THAP2: variants seen among roughly 807,000 people sequenced by gnomAD.
THAP2 encodes the protein THAP domain containing 2.
THAP2 carries 16 observed loss-of-function variants against 18.8 expected under a neutral mutation model. That is an observed-to-expected ratio of 0.85 (90% CI 0.58 to 1.29). The LOEUF (loss-of-function observed/expected upper bound fraction) is 1.29. THAP2 is among the 50% of genes most tolerant of loss of function. The pLI is 0.00. For synonymous variants in THAP2, 80 were observed against 89.2 expected, an observed-to-expected ratio of 0.90 and a Z score of 0.58; for missense variants, 251 against 265.3, an observed-to-expected ratio of 0.95 and a Z score of 0.38.
intron 2 of THAP2, among the ~76,000 whole-genome samples, chr12:71,676,058 TA>T (rs1477349570): frequency 6.6e-6 from 1 of 151,978 alleles, no homozygotes; most frequent in African/African-American, 2.4e-5. Flanking sequence ...TAGGAATATT[TA>T]GTGGGTAGAA....
intron 2 of THAP2, among the ~76,000 whole-genome samples, chr12:71,674,684 C>G (rs943051162): frequency 1.3e-5 from 2 of 151,938 alleles, no homozygotes; most frequent in Non-Finnish European, 2.9e-5. Flanking sequence ...AGTAATGAAA[C>G]CTCCAGCATC....
intron 1 of THAP2, among the ~76,000 whole-genome samples, chr12:71,671,657 A>G (rs1467702057): frequency 6.6e-6 from 1 of 152,166 alleles, no homozygotes; most frequent in Admixed American, 6.5e-5. Flanking sequence ...AACAATTTTC[A>G]ATGGTGCAGT....
chr12:71,665,362 T>G (rs1430333339), intron 1 of THAP2: 1 of 164,142 alleles, frequency 6.1e-6, no homozygotes, highest in African/African-American at 2.4e-5. Flanking sequence ...TATGTTAGTA[T>G]GTAGAAATTA....
At chr12:71,667,932 A>G (rs1345227504) in intron 1 of THAP2, 5 of 152,178 alleles carry the variant, frequency 3.3e-5, no homozygotes, top group African/African-American at 1.2e-4. Context: ...ATCACTAGGA[A>G]ATTTGGGGGT....
chr12:71,664,778 A>G (rs912016253), intron 1 of THAP2, 198 bp downstream of exon 1: 5 of 727,158 alleles, frequency 6.9e-6, no homozygotes, highest in Non-Finnish European at 1.2e-5. Context: ...ATTTTCTAAA[A>G]GAAATCCAAG....
chr12:71,664,439 C>T lies in THAP2; in HGVS notation c.-71C>T, dbSNP rs1881286761. 3 of 1,593,176 alleles carry T rather than the reference C, an allele frequency of 1.9e-6. No homozygotes were observed. In the African/African-American group the frequency reaches 4.0e-5, roughly 21 times the overall value. On this transcript the variant is annotated 5_prime_UTR_variant, in exon 1 of 3. Coordinates refer to ENST00000308086, the MANE Select transcript of THAP2 (RefSeq NM_031435.4). ...CACGCCTGCCTCGATTGTCCAGCCT[C>T]TGCCAGAAGAAAGCTTAGCAGCCAG...
rs114332591 is a variant in THAP2 at position 71,677,380 on chromosome 12, A to T, written c.*272A>T. On this transcript the variant is annotated 3_prime_UTR_variant, in exon 3 of 3. Transcript: ENST00000308086. ...GTGTTTTTTGTTTTTGTCTTTTTAAACTACTGTTAAAAGAACAGCTTATGA... is the reference window on the plus strand; with the variant it reads ...GTGTTTTTTGTTTTTGTCTTTTTAATCTACTGTTAAAAGAACAGCTTATGA... 1,859 of 232,566 alleles carry T rather than the reference A, an allele frequency of 8.0e-3. 34 individuals are homozygous for T. The highest frequency in any genetic ancestry group is 0.04 in the African/African-American group (1,754 of 43,950). The allele number at this position is 232,566 out of a possible 1,614,324, so 14.4% of individuals were successfully genotyped here. A position where few individuals can be genotyped will look rare whatever the true frequency, so the allele number is the denominator to read the frequency against.
At chr12:71,671,467 A>G (rs1185360996) in intron 1 of THAP2, among the ~76,000 whole-genome samples, 1 of 152,180 alleles carries the variant, frequency 6.6e-6, no homozygotes, top group Non-Finnish European at 1.5e-5. Flanking sequence ...GAATTTCTTT[A>G]AGATCCATAT....
chr12:71,664,814 A>G (rs113763443), intron 1 of THAP2: 2 of 695,462 alleles, frequency 2.9e-6, no homozygotes, highest in Non-Finnish European at 5.2e-6. Flanking sequence ...ACCCCTTAGT[A>G]AAAAAAAGTA....
intron 1 of THAP2, among the ~76,000 whole-genome samples, chr12:71,672,260 C>G (rs546114765): frequency 9.2e-5 from 14 of 152,296 alleles, no homozygotes; most frequent in African/African-American, 3.4e-4. Flanking sequence ...CATCTGGGAA[C>G]ATCTGCAGCC....
Position 71,677,294 on chromosome 12 carries a change from A to C in THAP2, c.*186A>C, listed in dbSNP as rs967679357. ...GGAAATTTTATTTGAAAATGAGTGG[A>C]AGTGCCTTACATTAGAATTACGGAC... is the stretch of plus-strand genomic sequence containing the variant. On this transcript the variant is annotated 3_prime_UTR_variant, in exon 3 of 3. Coordinates refer to ENST00000308086, the MANE Select transcript of THAP2 (RefSeq NM_031435.4). The C allele has an allele frequency of 2.0e-6, 1 of 510,116 alleles. No individual in the cohort carries two copies. Among genetic ancestry groups the C allele is most frequent in the Non-Finnish European group, 3.1e-6 (1 of 322,718 alleles). The allele number at this position is 510,116 out of a possible 1,614,324, so 31.6% of individuals were successfully genotyped here.
intron 1 of THAP2, among the ~76,000 whole-genome samples, chr12:71,670,857 T>A (rs1881424918): frequency 6.9e-6 from 1 of 145,600 alleles, no homozygotes; most frequent in Non-Finnish European, 1.5e-5. Flanking sequence ...GAGAATCACT[T>A]AAACCTGGGA....
Position 71,674,287 on chromosome 12 carries a change from T to C in THAP2, c.156T>C (p.Leu52=). 6.2e-7 allele frequency: 1 copy of C among 1,613,426 alleles called. No homozygotes were observed. The highest frequency in any genetic ancestry group is 8.5e-7 in the Non-Finnish European group (1 of 1,179,558). The change falls in exon 2 of 3, where the codon CTT becomes CTC. Residue 52 remains leucine (L), a synonymous_variant. Coordinates refer to ENST00000308086, the MANE Select transcript of THAP2 (RefSeq NM_031435.4). ...TTGTGCCAGGAAAACACACTTTTCT[T>C]TGTTCAAAGCACTTTGAAGCCTCCT... ...KNFVPGKHTF[L]CSKHFEASCF...
Position 71,668,113 on chromosome 12 carries a change from G to C in THAP2, c.71+3533G>C, listed in dbSNP as rs371808799. Among the ~76,000 whole-genome samples, 24 of 152,256 alleles carry C rather than the reference G, an allele frequency of 1.6e-4. 1 individual carries two copies. In the South Asian group the frequency reaches 4.4e-3, roughly 28 times the overall value. Reference sequence around the variant, plus strand: ...TTGCCATTTTGGATAAGGTGGATAAGGTTCAAAATTACTCTTTGACTTAGA... The same window carrying C: ...TTGCCATTTTGGATAAGGTGGATAACGTTCAAAATTACTCTTTGACTTAGA... On this transcript the variant is annotated intron_variant, in intron 1 of 2. Transcript: ENST00000308086.
chr12:71,674,177 T>C, intron 1 of THAP2, 26 bp from the exon 2 acceptor site: 1 of 1,529,982 alleles, frequency 6.5e-7, no homozygotes, highest in Non-Finnish European at 8.7e-7. Flanking sequence ...TAGTTGGAAT[T>C]TGAGTTGCAT....
chr12:71,677,272 A>T lies in THAP2; in HGVS notation c.*164A>T. On this transcript the variant is annotated 3_prime_UTR_variant, in exon 3 of 3. Transcript: ENST00000308086. ...AAAAGAATAAAAAACTTCATATGGAAATTTTATTTGAAAATGAGTGGAAGT... is the reference window on the plus strand; with the variant it reads ...AAAAGAATAAAAAACTTCATATGGATATTTTATTTGAAAATGAGTGGAAGT... The T allele has an allele frequency of 1.6e-6, 1 of 634,968 alleles. No individual in the cohort carries two copies. Among genetic ancestry groups the T allele is most frequent in the Non-Finnish European group, 2.3e-6 (1 of 434,158 alleles). 39.3% of individuals were successfully genotyped at this position (634,968 alleles called of 1,614,324 possible). A position where few individuals can be genotyped will look rare whatever the true frequency, so the allele number is the denominator to read the frequency against.
chr12:71,680,279 C>T lies in THAP2; in HGVS notation c.*3171C>T, dbSNP rs1198038341. On this transcript the variant is annotated 3_prime_UTR_variant, in exon 3 of 3. Coordinates refer to ENST00000308086, the MANE Select transcript of THAP2 (RefSeq NM_031435.4). ...TCTAGATTGAACATAGATTTTCTGC[C>T]AACAAATCCTCTCTGCTGTTCACAT... 6.6e-6 allele frequency: 1 copy of T among 152,190 alleles called. No individual in the cohort carries two copies. Among genetic ancestry groups the T allele is most frequent in the Non-Finnish European group, 1.5e-5 (1 of 68,000 alleles). The allele number at this position is 152,190 out of a possible 1,614,324, so 9.4% of individuals were successfully genotyped here. A position where few individuals can be genotyped will look rare whatever the true frequency, so the allele number is the denominator to read the frequency against.
At position 71,676,969 on chromosome 12, in the gene THAP2, C is replaced by T. The variant is rs750038171; in HGVS notation, c.548C>T (p.Pro183Leu). 1.2e-6 allele frequency: 2 copies of T among 1,613,578 alleles called. No individual in the cohort carries two copies. Among genetic ancestry groups the T allele is most frequent in the East Asian group, 2.2e-5 (1 of 44,866 alleles). ...AATTTAGAAGCAAATAGTGTATTAC[C>T]TAAAGGTACATCAGAACACATGTTA... ...VKNLEANSVLPKGTSEHMLPT... is the reference protein window; with the variant it reads ...VKNLEANSVLLKGTSEHMLPT... Residue 183 changes from proline to leucine, a missense_variant, in exon 3 of 3, where the codon CCT (proline) becomes CTT (leucine). Coordinates refer to ENST00000308086, the MANE Select transcript of THAP2 (RefSeq NM_031435.4).
chr12:71,664,715 T>C (rs1291986302), intron 1 of THAP2, 135 bp downstream of exon 1: 1 of 1,002,076 alleles, frequency 1.0e-6, no homozygotes, highest in Non-Finnish European at 1.5e-6. Context: ...CGTATGTCCT[T>C]TGTGTTTCTC....
Sources: gnomAD v4.1 joint callset for allele counts (sites outside exome capture counted in the v4.1 genomes callset) on GRCh38, gnomAD v4.1.1 for gene constraint, MANE v1.5 for transcripts, NCBI Gene and HGNC (gene_info 2026-07-23, HGNC 2026-07-21) for gene names.